The following MACROD2 variants were observed in gnomAD, a reference collection of about 807,000 sequenced individuals.
MACROD2 encodes ADP-ribose glycohydrolase MACROD2.
In MACROD2, 36 loss-of-function variants were observed where a neutral mutation model predicts 70.4. The observed-to-expected ratio is 0.51, with a 90% CI of 0.39 to 0.68. The LOEUF (loss-of-function observed/expected upper bound fraction) is 0.68. MACROD2 is among the 30% of genes least tolerant of loss of function. MACROD2 has a pLI of 0.00. For synonymous variants in MACROD2, 172 were observed against 178.8 expected, an observed-to-expected ratio of 0.96 and a Z score of 0.30; for missense variants, 496 against 538.4, an observed-to-expected ratio of 0.92 and a Z score of 0.78.
chr20:14,620,101 G>A lies in MACROD2; in HGVS notation c.302-64742G>A, dbSNP rs141873140. Among the ~76,000 whole-genome samples, 601 of 152,250 alleles carry A rather than the reference G, an allele frequency of 3.9e-3. 5 individuals carry two copies. The highest frequency in any genetic ancestry group is 6.4e-3 in the African/African-American group (268 of 41,554). ...TGAGTAGTCATTATTTGGGATTCCC[G>A]TCTATTCTGGTTCTCTTCTTCTGCA... On this transcript the variant is annotated intron_variant, in intron 4 of 17. Coordinates refer to ENST00000684519, the MANE Select transcript of MACROD2 (RefSeq NM_001351661.2).
intron 3 of MACROD2, among the ~76,000 whole-genome samples, chr20:14,304,164 C>G (rs2082499985): frequency 6.6e-6 from 1 of 152,114 alleles, no homozygotes; most frequent in African/African-American, 2.4e-5. Flanking sequence ...TCCATTATTT[C>G]TAATAGAATT....
chr20:15,786,981 G>A (rs1308463265), intron 8 of MACROD2, among the ~76,000 whole-genome samples: 1 of 151,808 alleles, frequency 6.6e-6, no homozygotes, highest in African/African-American at 2.4e-5. Flanking sequence ...TTGTTTTTGT[G>A]TTTGTTTTTG....
chr20:14,319,220 C>T (rs2082638229), intron 3 of MACROD2, among the ~76,000 whole-genome samples: 1 of 152,156 alleles, frequency 6.6e-6, no homozygotes, highest in African/African-American at 2.4e-5. Context: ...TTCATACCAA[C>T]TCATTCCATC....
chr20:14,304,554 T>G (rs991583713), intron 3 of MACROD2, among the ~76,000 whole-genome samples: 1 of 152,190 alleles, frequency 6.6e-6, no homozygotes, highest in African/African-American at 2.4e-5. Flanking sequence ...ATTGATGAAT[T>G]CCACTTCTCC....
chr20:15,257,428 G>T (rs16995477), intron 6 of MACROD2, among the ~76,000 whole-genome samples: 17,076 of 152,002 alleles, frequency 0.11, 1,250 homozygotes, highest in African/African-American at 0.19. Flanking sequence ...ACCCATGCTG[G>T]TACTTTGAAT....
intron 6 of MACROD2, among the ~76,000 whole-genome samples, chr20:15,369,139 A>G (rs992903434): frequency 1.3e-5 from 2 of 152,226 alleles, no homozygotes; most frequent in African/African-American, 4.8e-5. Flanking sequence ...AAGTATTAAT[A>G]TTTAATGAAC....
chr20:14,481,245 A>G (rs1265235149), intron 3 of MACROD2, among the ~76,000 whole-genome samples: 1 of 152,264 alleles, frequency 6.6e-6, no homozygotes, highest in East Asian at 1.9e-4. Flanking sequence ...TTCAGCATTG[A>G]TAATTAAGAA....
chr20:14,920,456 A>C (rs1372898893), intron 5 of MACROD2, among the ~76,000 whole-genome samples: 1 of 152,172 alleles, frequency 6.6e-6, no homozygotes, highest in African/African-American at 2.4e-5. Context: ...GATACGTTGG[A>C]AATCTATTAT....
intron 8 of MACROD2, among the ~76,000 whole-genome samples, chr20:15,663,011 T>C (rs2049843505): frequency 6.6e-6 from 1 of 151,806 alleles, no homozygotes; most frequent in African/African-American, 2.4e-5. Flanking sequence ...TAATGTATGG[T>C]TTATAAATAC....
chr20:14,844,751 C>T (rs2073122584), intron 5 of MACROD2, among the ~76,000 whole-genome samples: 1 of 152,020 alleles, frequency 6.6e-6, no homozygotes, highest in Non-Finnish European at 1.5e-5. Context: ...TCCAAGACAA[C>T]TAACTATCAA....
chr20:14,382,780 A>G (rs1465717852), intron 3 of MACROD2, among the ~76,000 whole-genome samples: 1 of 152,148 alleles, frequency 6.6e-6, no homozygotes, highest in Non-Finnish European at 1.5e-5. Context: ...GCAGCCTGAG[A>G]AATTTCCTGA....
intron 3 of MACROD2, among the ~76,000 whole-genome samples, chr20:14,209,224 C>T (rs554230194): frequency 1.3e-5 from 2 of 152,280 alleles, no homozygotes; most frequent in African/African-American, 2.4e-5. Flanking sequence ...GGTAAAATTG[C>T]CAAAGCTGCC....
intron 3 of MACROD2, among the ~76,000 whole-genome samples, chr20:14,413,794 T>C (rs1305529374): frequency 6.6e-6 from 1 of 151,268 alleles, no homozygotes; most frequent in African/African-American, 2.4e-5. Context: ...TGCTGCTTTT[T>C]TTTTCCTGCT....
chr20:15,883,851 G>T (rs1230292452), intron 9 of MACROD2, among the ~76,000 whole-genome samples: 1 of 152,078 alleles, frequency 6.6e-6, no homozygotes, highest in Non-Finnish European at 1.5e-5. Context: ...AGGAACAGAA[G>T]ACCTGGTCTC....
chr20:14,396,944 A>C (rs2083587141), intron 3 of MACROD2, among the ~76,000 whole-genome samples: 1 of 144,032 alleles, frequency 6.9e-6, no homozygotes, highest in Non-Finnish European at 1.5e-5. Flanking sequence ...AAAAAAATCC[A>C]ATCTGATAGT....
At chr20:14,248,556 C>G (rs1005887470) in intron 3 of MACROD2, among the ~76,000 whole-genome samples, 2 of 152,046 alleles carry the variant, frequency 1.3e-5, no homozygotes, top group African/African-American at 4.8e-5. Context: ...GCATTCCAGC[C>G]TGGGTGACAG....
At chr20:14,875,970 C>T (rs1016559279) in intron 5 of MACROD2, among the ~76,000 whole-genome samples, 1 of 152,022 alleles carries the variant, frequency 6.6e-6, no homozygotes, top group Non-Finnish European at 1.5e-5. Flanking sequence ...TTATTGTCCT[C>T]TGGTTATATA....
intron 3 of MACROD2, among the ~76,000 whole-genome samples, chr20:14,253,781 C>T (rs888157335): frequency 2.6e-5 from 4 of 152,032 alleles, no homozygotes; most frequent in Non-Finnish European, 4.4e-5. Flanking sequence ...ACTTCATAGG[C>T]CGTAATGCAA....
chr20:15,301,788 G>A (rs758189515), intron 6 of MACROD2, among the ~76,000 whole-genome samples: 2 of 151,798 alleles, frequency 1.3e-5, no homozygotes, highest in African/African-American at 2.4e-5. Flanking sequence ...CTAGAGAGGC[G>A]CCAGGAGAGA....
Sources: allele counts gnomAD v4.1 joint callset (sites outside exome capture counted in the v4.1 genomes callset), GRCh38; gene constraint gnomAD v4.1.1; transcripts MANE v1.5; gene names NCBI Gene and HGNC (gene_info 2026-07-23, HGNC 2026-07-21).